Variants in NDNF observed in about 807,000 individuals in gnomAD.
NDNF encodes the protein neuron derived neurotrophic factor, also known as protein NDNF.
NDNF carries 16 observed loss-of-function variants against 42.0 expected under a neutral mutation model. The observed-to-expected ratio is 0.38, with a 90% CI of 0.26 to 0.58. The LOEUF (loss-of-function observed/expected upper bound fraction) is 0.58. Among genes scored for constraint, NDNF ranks in the 20% least tolerant of loss-of-function variants. NDNF has a pLI of 0.67. For synonymous variants in NDNF, 248 were observed against 251.7 expected (o/e 0.99, Z 0.14); for missense variants, 616 against 666.2 (o/e 0.92, Z 0.83).
At chr4:121,064,764 A>G (rs1429421193) in intron 1 of NDNF, among the ~76,000 whole-genome samples, 1 of 152,126 alleles carries the variant, frequency 6.6e-6, no homozygotes, top group Admixed American at 6.5e-5. Flanking sequence ...GTGTGTCTGA[A>G]TACACACATA....
chr4:121,053,108 A>T (rs564292821), intron 1 of NDNF, among the ~76,000 whole-genome samples: 33 of 152,264 alleles, frequency 2.2e-4, no homozygotes, highest in African/African-American at 7.7e-4. Flanking sequence ...CAGTGACATG[A>T]TTATTAAGAG....
chr4:121,071,770 A>AAAG (rs386401317), intron 1 of NDNF: 5 of 3,788 alleles, frequency 1.3e-3, no homozygotes, highest in African/African-American at 3.9e-3. Flanking sequence ...CAACAACAAT[A>AAAG]AAAAAAAAAA....
intron 2 of NDNF, among the ~76,000 whole-genome samples, chr4:121,044,111 G>A (rs1386473723): frequency 6.6e-6 from 1 of 152,048 alleles, no homozygotes; most frequent in Non-Finnish European, 1.5e-5. Context: ...AATTTTACTC[G>A]AGCAGTGCCA....
chr4:121,039,868 G>C, intron 3 of NDNF, 62 bp downstream of exon 3: 1 of 1,556,088 alleles, frequency 6.4e-7, no homozygotes, highest in Non-Finnish European at 8.7e-7. Context: ...AAGGTTGTAT[G>C]TTTCACAAGC....
intron 1 of NDNF, among the ~76,000 whole-genome samples, chr4:121,050,632 G>A (rs948025381): frequency 6.6e-6 from 1 of 152,090 alleles, no homozygotes; most frequent in Non-Finnish European, 1.5e-5. Flanking sequence ...CAACCCAAAA[G>A]AACTTGGTAG....
chr4:121,036,165 G>A lies in NDNF; in HGVS notation c.*99C>T. ...CCTTCCTTCCATAGTACAAGTACAG[G>A]TCACAACTTCTCTCAACTGTGGGAG... On this transcript the variant is annotated 3_prime_UTR_variant, in exon 4 of 4. Coordinates refer to ENST00000379692, the MANE Select transcript of NDNF (RefSeq NM_024574.4). The A allele has an allele frequency of 1.1e-6, 1 of 948,780 alleles. No individual in the cohort carries two copies. The highest frequency in any genetic ancestry group is 1.6e-6 in the Non-Finnish European group (1 of 623,292). The allele number at this position is 948,780 out of a possible 1,614,324, so 58.8% of individuals were successfully genotyped here.
chr4:121,060,985 G>GT (rs1727395473), intron 1 of NDNF, among the ~76,000 whole-genome samples: 1 of 152,142 alleles, frequency 6.6e-6, no homozygotes, highest in Admixed American at 6.5e-5. Flanking sequence ...ATGTACCAGG[G>GT]ACCTTAAAGA....
chr4:121,056,119 TCA>T (rs1727290642), intron 1 of NDNF, among the ~76,000 whole-genome samples: 1 of 152,128 alleles, frequency 6.6e-6, no homozygotes, highest in Non-Finnish European at 1.5e-5. Context: ...TCCTACAAAC[TCA>T]CACCTGCCAA....
At chr4:121,047,308 C>T (rs913972273) in intron 1 of NDNF, among the ~76,000 whole-genome samples, 8 of 152,300 alleles carry the variant, frequency 5.3e-5, no homozygotes, top group Admixed American at 1.3e-4. Flanking sequence ...CTGTGTTCTG[C>T]GGTTTTCCAT....
At chr4:121,047,984 C>A (rs894993179) in intron 1 of NDNF, among the ~76,000 whole-genome samples, 3 of 152,226 alleles carry the variant, frequency 2.0e-5, no homozygotes, top group Admixed American at 6.5e-5. Context: ...TCTAACCAAG[C>A]AAGGACATGG....
Position 121,037,530 on chromosome 4 carries a change from C to T in NDNF, c.441G>A (p.Gln147=). 6.2e-7 allele frequency: 1 copy of T among 1,614,084 alleles called. No individual in the cohort carries two copies. Residue 147 remains glutamine (Q), a synonymous_variant, in exon 4 of 4, where the codon CAG becomes CAA. Transcript: ENST00000379692. ...ISSSSPSGLY[Q]LDLLSTEKDT... is the part of the protein sequence containing the mutation. ...CTTTCTCTGTTGAAAGAAGATCCAA[C>T]TGATATAAACCGGATGGGGAACTAG...
chr4:121,040,520 A>G (rs943449334), intron 2 of NDNF, among the ~76,000 whole-genome samples: 2 of 152,242 alleles, frequency 1.3e-5, no homozygotes, highest in African/African-American at 4.8e-5. Context: ...CATAGTTGCA[A>G]CTATTTCAAA....
intron 1 of NDNF, among the ~76,000 whole-genome samples, chr4:121,066,679 T>C (rs184661515): frequency 1.3e-5 from 2 of 152,326 alleles, no homozygotes; most frequent in Non-Finnish European, 2.9e-5. Context: ...AGAGGTCTAA[T>C]TATGAGTTCA....
At chr4:121,038,148 A>T (rs1413004963) in intron 3 of NDNF, 1 of 152,910 alleles carries the variant, frequency 6.5e-6, no homozygotes, top group Non-Finnish European at 1.5e-5. Flanking sequence ...GATTACTTGA[A>T]GCTGAACCTG....
intron 3 of NDNF, among the ~76,000 whole-genome samples, chr4:121,039,652 A>G (rs919017631): frequency 6.6e-6 from 1 of 152,090 alleles, no homozygotes; most frequent in Admixed American, 6.5e-5. Context: ...TAGGATGTTT[A>G]GGCAAGATTG....
In NDNF at chr4:121,036,140, C is replaced by G. The variant is rs1320019241; in HGVS notation, c.*124G>C. 1 of 785,172 alleles carries G rather than the reference C, an allele frequency of 1.3e-6. No homozygotes were observed. Among genetic ancestry groups the G allele is most frequent in the African/African-American group, 1.7e-5 (1 of 57,822 alleles). 48.6% of individuals were successfully genotyped at this position (785,172 alleles called of 1,614,324 possible). A position where few individuals can be genotyped will look rare whatever the true frequency, so the allele number is the denominator to read the frequency against. ...AACATCAATATACACACGTTGATAT[C>G]CTTCCTTCCATAGTACAAGTACAGG... is the stretch of plus-strand genomic sequence containing the variant. On this transcript the variant is annotated 3_prime_UTR_variant, in exon 4 of 4. Transcript: ENST00000379692.
Position 121,045,583 on chromosome 4 carries a change from G to T in NDNF, c.188+67C>A. 3 of 1,362,222 alleles carry T rather than the reference G, an allele frequency of 2.2e-6. No individual in the cohort carries two copies. In the South Asian group the frequency reaches 3.8e-5, roughly 17 times the overall value. 84.4% of individuals were successfully genotyped at this position (1,362,222 alleles called of 1,614,324 possible). ...TAAATTACCTAAACTAAGTCTAAAG[G>T]TTACTCTCTTTTTTGGAGGCATCCT... On this transcript the variant is annotated intron_variant, in intron 2 of 3. Transcript: ENST00000379692.
intron 1 of NDNF, among the ~76,000 whole-genome samples, chr4:121,067,858 T>C (rs1436243218): frequency 6.6e-6 from 1 of 152,208 alleles, no homozygotes; most frequent in Non-Finnish European, 1.5e-5. Context: ...TTTAGTAAAG[T>C]ACCAGAAGGA....
At chr4:121,046,564 A>G (rs1216405088) in intron 1 of NDNF, among the ~76,000 whole-genome samples, 1 of 152,250 alleles carries the variant, frequency 6.6e-6, no homozygotes, top group Non-Finnish European at 1.5e-5. Context: ...ATCAGGTACC[A>G]GAGTCTTCAA....
Sources: gnomAD v4.1 joint callset for allele counts (sites outside exome capture counted in the v4.1 genomes callset) on GRCh38, gnomAD v4.1.1 for gene constraint, MANE v1.5 for transcripts, NCBI Gene and HGNC (gene_info 2026-07-23, HGNC 2026-07-21) for gene names.